The following RGS6 variants were observed in gnomAD, a reference collection of about 807,000 sequenced individuals.
RGS6 encodes the protein regulator of G protein signaling 6, also known as regulator of G-protein signaling 6.
In RGS6, 30 loss-of-function variants were observed where a neutral mutation model predicts 78.5. That is an observed-to-expected ratio of 0.38 (90% CI 0.29 to 0.52). RGS6 has a LOEUF of 0.52. Ranked by LOEUF, RGS6 falls within the 20% of genes least tolerant of loss-of-function variation. The pLI is 0.85. For missense variants in RGS6, 495 were observed against 609.7 expected, an observed-to-expected ratio of 0.81 and a Z score of 1.98; for synonymous variants, 206 against 206.0, an observed-to-expected ratio of 1.00 and a Z score of 0.00.
At chr14:72,427,853 G>A (rs771083946) in intron 3 of RGS6, among the ~76,000 whole-genome samples, 1 of 152,160 alleles carries the variant, frequency 6.6e-6, no homozygotes, top group Non-Finnish European at 1.5e-5. Flanking sequence ...GTAGTAGAGA[G>A]GACTCTAGTG....
chr14:72,037,001 T>C (rs1290056150), intron 2 of RGS6, among the ~76,000 whole-genome samples: 1 of 152,096 alleles, frequency 6.6e-6, no homozygotes, highest in Non-Finnish European at 1.5e-5. Context: ...TGGAGAACTT[T>C]CCTGTGTCTA....
intron 2 of RGS6, among the ~76,000 whole-genome samples, chr14:72,223,808 T>C (rs1042990248): frequency 6.6e-6 from 1 of 152,234 alleles, no homozygotes; most frequent in African/African-American, 2.4e-5. Flanking sequence ...GAAAAGCACC[T>C]GCATCAGAAT....
At chr14:72,594,188 C>G in the RGS6 span, 1 of 152,184 alleles carries the variant, frequency 6.6e-6, no homozygotes, top group African/African-American at 2.4e-5. Context: ...AAGGGCTTCT[C>G]CAGGGTCCAA....
chr14:72,314,104 T>G (rs192742772), intron 2 of RGS6, among the ~76,000 whole-genome samples: 244 of 152,320 alleles, frequency 1.6e-3, no homozygotes, highest in African/African-American at 5.6e-3. Context: ...GATGATAGAG[T>G]AACCGTCCAT....
At chr14:72,044,692 G>A (rs544348159) in intron 2 of RGS6, among the ~76,000 whole-genome samples, 1 of 152,080 alleles carries the variant, frequency 6.6e-6, no homozygotes, top group East Asian at 1.9e-4. Context: ...CCAACATGGT[G>A]AGACTCTGTC....
chr14:72,237,404 G>A (rs1477482377), intron 2 of RGS6, among the ~76,000 whole-genome samples: 1 of 152,128 alleles, frequency 6.6e-6, no homozygotes, highest in Non-Finnish European at 1.5e-5. Flanking sequence ...ACACACAGTA[G>A]GTACTCAATG....
intron 3 of RGS6, among the ~76,000 whole-genome samples, chr14:72,452,538 A>G (rs1341526481): frequency 6.6e-6 from 1 of 152,210 alleles, no homozygotes; most frequent in Non-Finnish European, 1.5e-5. Context: ...GCCACCAGTC[A>G]CATATCTAAG....
intron 3 of RGS6, among the ~76,000 whole-genome samples, chr14:72,384,329 TTTTG>T (rs2087174384): frequency 6.6e-6 from 1 of 152,232 alleles, no homozygotes; most frequent in Non-Finnish European, 1.5e-5. Flanking sequence ...GACACACTCT[TTTTG>T]TTTGGTAAAT....
At chr14:72,473,415 G>A (rs1388212457) in intron 9 of RGS6, among the ~76,000 whole-genome samples, 6 of 152,194 alleles carry the variant, frequency 3.9e-5, no homozygotes, top group Admixed American at 2.6e-4. Flanking sequence ...CTGCACTCCA[G>A]CCTCGGCAAC....
chr14:72,612,567 G>A, the RGS6 span: 455 of 478,856 alleles, frequency 9.5e-4, no homozygotes, highest in African/African-American at 5.3e-3. Flanking sequence ...CATCTATCAC[G>A]GCAGAGGGAA....
the RGS6 span, among the ~76,000 whole-genome samples, chr14:72,600,870 C>T: frequency 6.6e-6 from 1 of 152,070 alleles, no homozygotes; most frequent in Non-Finnish European, 1.5e-5. Flanking sequence ...CCCTACTCCC[C>T]GCACAGCTCC....
chr14:71,928,825 T>A (rs968732499), upstream of RGS6, among the ~76,000 whole-genome samples: 5 of 152,314 alleles, frequency 3.3e-5, no homozygotes, highest in South Asian at 1.0e-3. Context: ...TGAATCACAT[T>A]ATTGTATATA....
chr14:72,224,333 G>A (rs895441003), intron 2 of RGS6, among the ~76,000 whole-genome samples: 7 of 152,038 alleles, frequency 4.6e-5, no homozygotes, highest in African/African-American at 1.7e-4. Context: ...TGGGAGGATG[G>A]CTTGAGCCCT....
intron 2 of RGS6, among the ~76,000 whole-genome samples, chr14:72,246,448 C>T (rs182393153): frequency 9.8e-5 from 15 of 152,310 alleles, no homozygotes; most frequent in Non-Finnish European, 2.1e-4. Context: ...CTCCTTCTCC[C>T]TTAAAATAAA....
intron 2 of RGS6, among the ~76,000 whole-genome samples, chr14:72,005,184 GA>G (rs1567001303): frequency 6.6e-6 from 1 of 152,118 alleles, no homozygotes; most frequent in East Asian, 1.9e-4. Context: ...AAAATAGTGT[GA>G]GCCTATTTTT....
chr14:72,466,108 G>T (rs2095903896), intron 7 of RGS6, among the ~76,000 whole-genome samples: 1 of 152,138 alleles, frequency 6.6e-6, no homozygotes, highest in African/African-American at 2.4e-5. Flanking sequence ...AGGACACAAG[G>T]ATGATAAATA....
chr14:72,580,307 T>TCCTCC, the RGS6 span, among the ~76,000 whole-genome samples: 2 of 127,510 alleles, frequency 1.6e-5, 1 homozygote, highest in African/African-American at 7.2e-5. Context: ...AGCAAAAATG[T>TCCTCC]CCCCCCCACC....
intron 2 of RGS6, among the ~76,000 whole-genome samples, chr14:71,999,138 A>G (rs1001475761): frequency 5.3e-5 from 8 of 152,194 alleles, no homozygotes; most frequent in African/African-American, 1.9e-4. Flanking sequence ...CAGTTTATTG[A>G]CCTCTGAGGT....
chr14:72,288,643 G>C (rs1168442241), intron 2 of RGS6, among the ~76,000 whole-genome samples: 1 of 152,190 alleles, frequency 6.6e-6, no homozygotes, highest in Non-Finnish European at 1.5e-5. Flanking sequence ...TGGAATGGTG[G>C]GTGACAGTGA....
Sources: allele counts gnomAD v4.1 joint callset (sites outside exome capture counted in the v4.1 genomes callset), GRCh38; gene constraint gnomAD v4.1.1; transcripts MANE v1.5; gene names NCBI Gene and HGNC (gene_info 2026-07-23, HGNC 2026-07-21).